ATXN2: variants seen among roughly 807,000 people sequenced by gnomAD.
The protein encoded by ATXN2 is ataxin-2.
ATXN2 carries 37 observed loss-of-function variants against 138.6 expected under a neutral mutation model. The ratio of observed to expected loss-of-function variants is 0.27; its 90% CI spans 0.21 to 0.35. ATXN2 has a LOEUF of 0.35. Among genes scored for constraint, ATXN2 ranks in the 10% least tolerant of loss-of-function variants. The pLI is 1.00. For missense variants in ATXN2, 1,216 were observed against 1,480.3 expected (o/e 0.82, Z 2.93); for synonymous variants, 549 against 543.7 (o/e 1.01, Z -0.13).
At chr12:111,575,554 T>G (rs1883591788) in intron 1 of ATXN2, among the ~76,000 whole-genome samples, 1 of 152,006 alleles carries the variant, frequency 6.6e-6, no homozygotes, top group Non-Finnish European at 1.5e-5. Flanking sequence ...CATCAGCATC[T>G]CAAACACCTC....
At chr12:111,542,785 T>TC (rs1881590067) in intron 5 of ATXN2, among the ~76,000 whole-genome samples, 1 of 152,198 alleles carries the variant, frequency 6.6e-6, no homozygotes, top group South Asian at 2.1e-4. Flanking sequence ...TGGATTCTGC[T>TC]CCCATGTATC....
chr12:111,506,865 T>A (rs924185946), intron 14 of ATXN2, among the ~76,000 whole-genome samples: 1 of 152,162 alleles, frequency 6.6e-6, no homozygotes, highest in Non-Finnish European at 1.5e-5. Flanking sequence ...GGGGTTTCGC[T>A]GTGTTGGCCG....
chr12:111,506,684 T>A (rs2135723973), intron 14 of ATXN2, among the ~76,000 whole-genome samples: 1 of 88,028 alleles, frequency 1.1e-5, no homozygotes, highest in South Asian at 4.0e-4. Context: ...TCCCTCTCCC[T>A]CTCTTTCCAC....
At chr12:111,488,805 T>A in intron 14 of ATXN2, 25 bp from the exon 15 acceptor site, 3 of 1,513,146 alleles carry the variant, frequency 2.0e-6, no homozygotes, top group South Asian at 1.2e-5. Context: ...CAATTATACT[T>A]AAATATCTTA....
chr12:111,581,600 T>G, intron 1 of ATXN2: 1 of 810,026 alleles, frequency 1.2e-6, no homozygotes, highest in East Asian at 2.5e-5. Flanking sequence ...CTGCCTGGGC[T>G]TCATAGCATT....
At chr12:111,457,555 T>C in intron 21 of ATXN2, 196 bp from the exon 22 acceptor site, 1 of 567,618 alleles carries the variant, frequency 1.8e-6, no homozygotes, top group Non-Finnish European at 3.0e-6. Flanking sequence ...CAGACTAGCA[T>C]TTGGTTCATA....
At chr12:111,467,311 T>TC (rs1876099522) in intron 20 of ATXN2, among the ~76,000 whole-genome samples, 1 of 126,724 alleles carries the variant, frequency 7.9e-6, no homozygotes, top group Non-Finnish European at 1.6e-5. Context: ...ACTGGGCTTT[T>TC]TTTTTTTTTT....
At chr12:111,535,726 C>T (rs112055135) in intron 5 of ATXN2, among the ~76,000 whole-genome samples, 11 of 151,994 alleles carry the variant, frequency 7.2e-5, no homozygotes, top group African/African-American at 2.7e-4. Context: ...ATAGGCCGGG[C>T]GCGGTGGCTC....
chr12:111,518,678 G>T (rs753965460), intron 8 of ATXN2, among the ~76,000 whole-genome samples: 2 of 152,084 alleles, frequency 1.3e-5, no homozygotes, highest in East Asian at 3.9e-4. Context: ...CATCCCACTT[G>T]ACCTCTCTAT....
At position 111,552,257 on chromosome 12, in the gene ATXN2, A is replaced by G. The variant is rs1218246386; in HGVS notation, c.571+23T>C. ...GAATAAATCTAATAAACCATGAGGC[A>G]TATTTAGGAAATCAAAACCCACCTC... is the stretch of plus-strand genomic sequence containing the variant. On this transcript the variant is annotated intron_variant, in intron 5 of 24. Transcript: ENST00000673436. The surrounding 1 kb of genome is among the most constrained non-coding windows in gnomAD (Gnocchi z 4.1). The G allele has an allele frequency of 1.9e-6, 3 of 1,568,780 alleles. No individual in the cohort carries two copies. Among genetic ancestry groups the G allele is most frequent in the African/African-American group, 2.8e-5 (2 of 71,770 alleles).
At chr12:111,531,384 A>G (rs1422919471) in intron 5 of ATXN2, among the ~76,000 whole-genome samples, 3 of 152,224 alleles carry the variant, frequency 2.0e-5, no homozygotes, top group African/African-American at 7.2e-5. Context: ...GTGAGCCAAG[A>G]TTGCGCCACT....
At chr12:111,587,670 T>C (rs1017419218) in intron 1 of ATXN2, among the ~76,000 whole-genome samples, 1 of 150,924 alleles carries the variant, frequency 6.6e-6, no homozygotes, top group African/African-American at 2.4e-5. Context: ...AAAAGGAAAT[T>C]TAAAAAAAAA....
At chr12:111,599,523 G>T, upstream of ATXN2, 2 of 1,210,924 alleles carry the variant, frequency 1.7e-6, no homozygotes, top group Non-Finnish European at 2.1e-6. Flanking sequence ...ATCGGAGGGC[G>T]GGCGCGCCGA....
rs996816394 is a variant in ATXN2, at chr12:111,452,636, G to A, written c.*176C>T. ...CCCAAGTTCCTAAATGCCTCTACTC[G>A]GTCCAAGTATCTTCCACTGCAAGTG... On this transcript the variant is annotated 3_prime_UTR_variant, in exon 25 of 25. Coordinates refer to ENST00000673436, the MANE Select transcript of ATXN2 (RefSeq NM_001372574.1). 2.5e-5 allele frequency: 18 copies of A among 728,126 alleles called. No individual in the cohort carries two copies. The highest frequency in any genetic ancestry group is 1.4e-4 in the African/African-American group (8 of 56,162). The allele number at this position is 728,126 out of a possible 1,614,324, so 45.1% of individuals were successfully genotyped here.
chr12:111,591,756 TTTG>T (rs60763632), intron 1 of ATXN2, among the ~76,000 whole-genome samples: 30 of 152,094 alleles, frequency 2.0e-4, no homozygotes, highest in African/African-American at 2.9e-4. Context: ...TTTAGGATTT[TTTG>T]TTGTTGTTGT....
intron 1 of ATXN2, among the ~76,000 whole-genome samples, chr12:111,571,521 G>A (rs1230478316): frequency 6.6e-6 from 1 of 151,998 alleles, no homozygotes; most frequent in African/African-American, 2.4e-5. Context: ...CAATGATGGA[G>A]GAGCAAGCAA....
chr12:111,508,788 G>A (rs1879338187), intron 14 of ATXN2, among the ~76,000 whole-genome samples: 1 of 152,112 alleles, frequency 6.6e-6, no homozygotes, highest in South Asian at 2.1e-4. Context: ...TAGCATTAAA[G>A]CTGAATAGAT....
chr12:111,552,446 CAAGT>C lies in ATXN2; in HGVS notation c.421-20_421-17del. On this transcript the variant is annotated splice_polypyrimidine_tract_variant and intron_variant, in intron 4 of 24. Transcript: ENST00000673436. This position sits in a 1 kb window ranked among gnomAD's most constrained non-coding sequence, Gnocchi z 4.1. ...CCAAATCACACTAAAATGAAAAACACAAGTAAGTACTCCAAACCTTTACAAAATA... is the reference window on the plus strand; with the variant it reads ...CCAAATCACACTAAAATGAAAAACACAAGTACTCCAAACCTTTACAAAATA... The C allele has an allele frequency of 1.9e-6, 3 of 1,602,150 alleles. No homozygotes were observed. The highest frequency in any genetic ancestry group is 2.5e-6 in the Non-Finnish European group (3 of 1,176,474).
intron 21 of ATXN2, among the ~76,000 whole-genome samples, chr12:111,464,247 G>GGGGTGTGTGT (rs71445545): frequency 1.6e-4 from 21 of 134,716 alleles, no homozygotes; most frequent in South Asian, 7.4e-4. Context: ...TGTGGCTTGG[G>GGGGTGTGTGT]GTGTGTGTGT....
Sources: gnomAD v4.1 joint callset for allele counts (sites outside exome capture counted in the v4.1 genomes callset) on GRCh38, gnomAD v4.1.1 for gene constraint, Gnocchi (gnomAD v3.1) non-coding constraint, MANE v1.5 for transcripts, NCBI Gene and HGNC (gene_info 2026-07-23, HGNC 2026-07-21) for gene names.